Variants in UGT1A8 observed in about 807,000 individuals in gnomAD.
UGT1A8 encodes the protein UDP glucuronosyltransferase family 1 member A8.
A neutral mutation model predicts 45.3 loss-of-function variants in UGT1A8; 39 were observed. That is an observed-to-expected ratio of 0.86 (90% CI 0.67 to 1.12). The LOEUF is 1.12. Ranked by LOEUF, UGT1A8 falls within the 50% of genes most tolerant of loss-of-function variation. UGT1A8 has a pLI of 0.00. For missense variants in UGT1A8, 719 were observed against 664.9 expected (o/e 1.08, Z -0.90); for synonymous variants, 275 against 249.2 (o/e 1.10, Z -0.97).
intron 1 of UGT1A8, among the ~76,000 whole-genome samples, chr2:233,620,285 C>A (rs1010791757): frequency 6.6e-6 from 1 of 152,208 alleles, no homozygotes; most frequent in South Asian, 2.1e-4. Flanking sequence ...AGTTGCAGGA[C>A]TCTAAGAGGT....
chr2:233,763,841 T>C (rs1452550547), intron 1 of UGT1A8, among the ~76,000 whole-genome samples: 1 of 152,178 alleles, frequency 6.6e-6, no homozygotes, highest in Admixed American at 6.5e-5. Context: ...CAGGGTAAGA[T>C]AGCAGTGGTT....
chr2:233,709,798 C>A (rs2076093019), intron 1 of UGT1A8, among the ~76,000 whole-genome samples: 1 of 152,132 alleles, frequency 6.6e-6, no homozygotes, highest in African/African-American at 2.4e-5. Context: ...TTTAATGATA[C>A]ATTTCTGAGT....
intron 1 of UGT1A8, chr2:233,682,549 G>A (rs147392032): frequency 2.9e-4 from 473 of 1,613,794 alleles, no homozygotes; most frequent in Non-Finnish European, 3.7e-4. Flanking sequence ...TGACTTTCAA[G>A]GAGAGAGTAT....
At chr2:233,691,164 CT>C (rs1275224521) in intron 1 of UGT1A8, 1 of 985,620 alleles carries the variant, frequency 1.0e-6, no homozygotes, top group African/African-American at 1.7e-5. Flanking sequence ...GGAAACCTGC[CT>C]AATGTCTGCC....
At chr2:233,711,505 T>G (rs1445955965) in intron 1 of UGT1A8, among the ~76,000 whole-genome samples, 1 of 152,204 alleles carries the variant, frequency 6.6e-6, no homozygotes, top group Non-Finnish European at 1.5e-5. Context: ...AATCCCTTTC[T>G]AGCGCTCTGT....
chr2:233,679,713 C>A (rs375642395), intron 1 of UGT1A8, among the ~76,000 whole-genome samples: 1 of 152,142 alleles, frequency 6.6e-6, no homozygotes. Context: ...GTTATCTGGA[C>A]AATTTTAAAG....
At chr2:233,729,800 A>G (rs778424052) in intron 1 of UGT1A8, 13 of 1,613,840 alleles carry the variant, frequency 8.1e-6, no homozygotes, top group South Asian at 1.1e-5. Context: ...TACATTTGCC[A>G]TGCTTTTTCT....
intron 1 of UGT1A8, among the ~76,000 whole-genome samples, chr2:233,736,051 TG>T (rs2078724849): frequency 6.6e-6 from 1 of 152,250 alleles, no homozygotes; most frequent in South Asian, 2.1e-4. Context: ...ATTTGAATGT[TG>T]GCCTGCCTTG....
chr2:233,763,503 T>C (rs1459749644), intron 1 of UGT1A8, among the ~76,000 whole-genome samples: 1 of 152,236 alleles, frequency 6.6e-6, no homozygotes, highest in Admixed American at 6.5e-5. Flanking sequence ...GTTTACTTTA[T>C]GTTTAGTTGA....
chr2:233,675,349 G>T (rs961203435), intron 1 of UGT1A8, among the ~76,000 whole-genome samples: 3 of 152,174 alleles, frequency 2.0e-5, no homozygotes, highest in Admixed American at 6.6e-5. Context: ...GCAGAACATT[G>T]AAATAGTTTT....
chr2:233,719,001 C>T (rs199607987), intron 1 of UGT1A8: 45 of 1,614,084 alleles, frequency 2.8e-5, no homozygotes, highest in African/African-American at 4.0e-5. Context: ...GGCGGTGGTC[C>T]TCACCCCAGA....
Position 233,672,739 on chromosome 2 carries a change from A to T in UGT1A8, c.855+54177A>T, listed in dbSNP as rs138512716. The T allele has an allele frequency of 3.7e-6, 6 of 1,613,956 alleles. No individual in the cohort carries two copies. In the African/African-American group the frequency reaches 8.0e-5, roughly 22 times the overall value. ...CTATCCCAAACCCGTGATGCCCAAC[A>T]TGATCTTCATTGGTGGTATCAACTG... On this transcript the variant is annotated intron_variant, in intron 1 of 4. Coordinates refer to ENST00000373450, the MANE Select transcript of UGT1A8 (RefSeq NM_019076.5).
intron 1 of UGT1A8, among the ~76,000 whole-genome samples, chr2:233,662,817 G>A (rs1480087729): frequency 7.2e-6 from 1 of 139,370 alleles, no homozygotes; most frequent in African/African-American, 2.6e-5. Flanking sequence ...TTTGCTGAGA[G>A]TTTTTTTTTT....
chr2:233,673,553 T>G (rs1204115170), intron 1 of UGT1A8, among the ~76,000 whole-genome samples: 1 of 152,074 alleles, frequency 6.6e-6, no homozygotes, highest in Non-Finnish European at 1.5e-5. Context: ...AGGATTGGCA[T>G]TTTTTTGCTA....
intron 1 of UGT1A8, among the ~76,000 whole-genome samples, chr2:233,662,512 C>T (rs1291902666): frequency 6.6e-6 from 1 of 152,130 alleles, no homozygotes; most frequent in Admixed American, 6.6e-5. Flanking sequence ...GCTAAACTTA[C>T]TTATTTGTTC....
At chr2:233,693,092 C>G (rs1334176855) in intron 1 of UGT1A8, 3 of 1,614,128 alleles carry the variant, frequency 1.9e-6, no homozygotes, top group South Asian at 1.1e-5. Flanking sequence ...TGACAAGCTG[C>G]TGGTGGTCCC....
chr2:233,638,045 G>A (rs566908111), intron 1 of UGT1A8, among the ~76,000 whole-genome samples: 6 of 151,996 alleles, frequency 3.9e-5, no homozygotes, highest in East Asian at 3.9e-4. Context: ...CTTTCCTTGC[G>A]TGAATATATT....
chr2:233,749,787 A>C (rs1694273187), intron 1 of UGT1A8, among the ~76,000 whole-genome samples: 1 of 151,760 alleles, frequency 6.6e-6, no homozygotes, highest in African/African-American at 2.4e-5. Context: ...ATAAGGGGCC[A>C]TTGTCCCTTC....
At chr2:233,690,770 CA>C (rs1350118707) in intron 1 of UGT1A8, 12 of 1,084,308 alleles carry the variant, frequency 1.1e-5, no homozygotes, top group African/African-American at 1.0e-4. Context: ...TACACACACA[CA>C]CACATACACA....
Sources: gnomAD v4.1 joint callset for allele counts (sites outside exome capture counted in the v4.1 genomes callset) on GRCh38, gnomAD v4.1.1 for gene constraint, MANE v1.5 for transcripts, NCBI Gene and HGNC (gene_info 2026-07-23, HGNC 2026-07-21) for gene names.